MOBP: variants seen among roughly 807,000 people sequenced by gnomAD.
The protein encoded by MOBP is myelin associated oligodendrocyte basic protein, also known as myelin-associated oligodendrocyte basic protein.
A neutral mutation model predicts 15.0 loss-of-function variants in MOBP; 5 were observed. The ratio of observed to expected loss-of-function variants is 0.33; its 90% CI spans 0.17 to 0.70. The LOEUF is 0.70. Ranked by LOEUF, MOBP falls within the 30% of genes least tolerant of loss-of-function variation. The probability of loss-of-function intolerance (pLI) is 0.67; values close to 1 mark genes in which losing one functional copy is unlikely to be tolerated. For synonymous variants in MOBP, 88 were observed against 99.0 expected (o/e 0.89, Z 0.66); for missense variants, 188 against 257.8 (o/e 0.73, Z 1.85).
chr3:39,517,189 A>G (rs139190535), downstream of MOBP, among the ~76,000 whole-genome samples: 30 of 152,322 alleles, frequency 2.0e-4, no homozygotes, highest in East Asian at 5.6e-3. Flanking sequence ...TAGTAGAGGT[A>G]TACACTTGCA....
chr3:39,508,115 A>G (rs1055797831), intron 4 of MOBP, among the ~76,000 whole-genome samples: 2 of 152,216 alleles, frequency 1.3e-5, no homozygotes, highest in African/African-American at 4.8e-5. Flanking sequence ...AATTGTGTTT[A>G]TCCTATCACT....
At chr3:39,513,263 C>T in intron 4 of MOBP, 13 of 739,436 alleles carry the variant, frequency 1.8e-5, no homozygotes, top group Non-Finnish European at 2.5e-5. Context: ...AAGGATTTTG[C>T]AGAATAACCT....
At chr3:39,526,274 A>C (rs969715554), downstream of MOBP, 6 of 152,250 alleles carry the variant, frequency 3.9e-5, no homozygotes, top group African/African-American at 1.4e-4. Flanking sequence ...TCATGCAAAA[A>C]GTTAGATATT....
At chr3:39,520,576 G>GTGT (rs1559430962), downstream of MOBP, among the ~76,000 whole-genome samples, 1,858 of 93,044 alleles carry the variant, frequency 0.02, 26 homozygotes, top group African/African-American at 0.059. Context: ...GTGTGTGTAT[G>GTGT]AGAGAGAGAG....
At chr3:39,500,106 C>T (rs149682705) in intron 2 of MOBP, 30 of 455,750 alleles carry the variant, frequency 6.6e-5, no homozygotes, top group African/African-American at 5.8e-4. Context: ...CTGCTCTACC[C>T]ACTTCCTCAT....
chr3:39,520,537 A>AGTGTGTGTGT (rs5848515), downstream of MOBP, among the ~76,000 whole-genome samples: 72 of 144,660 alleles, frequency 5.0e-4, no homozygotes, highest in Middle Eastern at 3.5e-3. Context: ...TGTGTTCATG[A>AGTGTGTGTGT]GTGTGTGTGT....
At chr3:39,469,024 GTATATATATACATATATACATA>G (rs1559411919) in intron 1 of MOBP, among the ~76,000 whole-genome samples, 8 of 52,346 alleles carry the variant, frequency 1.5e-4, no homozygotes, top group African/African-American at 3.8e-4. Flanking sequence ...ACATATGTGT[GTATATATATACATATATACATA>G]TGTGTGTGTA....
chr3:39,471,982 A>G lies in MOBP; in HGVS notation c.-89+4242A>G, dbSNP rs773879731. ...TGTCTTCAAGTCCAAAGGGTTTTCT[A>G]TAACTACTATAGAGAACCTTGTGGT... On this transcript the variant is annotated intron_variant, in intron 1 of 3. Transcript: ENST00000684792. 3.0e-4 allele frequency among the ~76,000 whole-genome samples: 46 copies of G among 152,212 alleles called. 1 individual carries two copies. Among genetic ancestry groups the G allele is most frequent in the African/African-American group, 1.0e-3 (43 of 41,450 alleles).
Position 39,468,733 on chromosome 3 carries a change from T to TATGTGTGTGTATATATACATATATAC in MOBP, c.-89+1042_-89+1067dup, listed in dbSNP as rs762709973. 1.1e-3 allele frequency among the ~76,000 whole-genome samples: 127 copies of TATGTGTGTGTATATATACATATATAC among 118,384 alleles called. 3 individuals carry two copies. The highest frequency in any genetic ancestry group is 9.3e-3 in the Middle Eastern group (2 of 216). 77.7% of individuals were successfully genotyped at this position (118,384 alleles called of 152,430 possible). On this transcript the variant is annotated intron_variant, in intron 1 of 3. Coordinates refer to ENST00000684792, the MANE Select transcript of MOBP (RefSeq NM_001393704.1). ...ATGTGTGTGTATATACATATATACATATGTGTGTGTATATATACATATATA... is the reference window on the plus strand; with the variant it reads ...ATGTGTGTGTATATACATATATACATATGTGTGTGTATATATACATATATACATGTGTGTGTATATATACATATATA...
intron 4 of MOBP, among the ~76,000 whole-genome samples, chr3:39,509,646 G>C (rs1053277780): frequency 6.6e-6 from 1 of 152,066 alleles, no homozygotes; most frequent in Admixed American, 6.5e-5. Flanking sequence ...ATTTTCTCCA[G>C]GTCTGTGACT....
At chr3:39,479,211 C>T (rs1478500533) in intron 1 of MOBP, among the ~76,000 whole-genome samples, 1 of 152,076 alleles carries the variant, frequency 6.6e-6, no homozygotes, top group East Asian at 1.9e-4. Context: ...AAGAAACATG[C>T]TAGTGATCCT....
downstream of MOBP, among the ~76,000 whole-genome samples, chr3:39,506,104 G>C (rs1295825188): frequency 2.0e-5 from 3 of 151,588 alleles, no homozygotes; most frequent in Non-Finnish European, 4.4e-5. Flanking sequence ...TTGAGGTCTT[G>C]CTGTACAACT....
At chr3:39,499,894 T>G (rs1246180795) in intron 2 of MOBP, 1 of 401,416 alleles carries the variant, frequency 2.5e-6, no homozygotes, top group Non-Finnish European at 5.0e-6. Flanking sequence ...GCCCTCATCT[T>G]TGGCCAGATG....
intron 2 of MOBP, among the ~76,000 whole-genome samples, chr3:39,489,727 C>G (rs1024669712): frequency 3.2e-4 from 49 of 152,106 alleles, no homozygotes; most frequent in African/African-American, 1.0e-3. Context: ...GAGAGTGCTA[C>G]CTCTGGAGGT....
At chr3:39,521,034 C>G (rs1414351936) in intron 3 of MOBP, among the ~76,000 whole-genome samples, 1 of 152,006 alleles carries the variant, frequency 6.6e-6, no homozygotes, top group African/African-American at 2.4e-5. Flanking sequence ...GCAACAACCT[C>G]TGCCTCCCAG....
At chr3:39,490,900 G>C (rs1276827698) in intron 2 of MOBP, among the ~76,000 whole-genome samples, 1 of 152,136 alleles carries the variant, frequency 6.6e-6, no homozygotes, top group Non-Finnish European at 1.5e-5. Context: ...TGAAGGCACA[G>C]GGGGTGATGG....
downstream of MOBP, among the ~76,000 whole-genome samples, chr3:39,507,034 A>G (rs1413435796): frequency 1.3e-5 from 2 of 152,062 alleles, no homozygotes; most frequent in East Asian, 1.9e-4. Flanking sequence ...TTTTCTGCCA[A>G]TTGCTCAACC....
In MOBP at chr3:39,491,790, A is replaced by G. The variant is rs577937299; in HGVS notation, c.-4-10276A>G. Among the ~76,000 whole-genome samples the G allele has an allele frequency of 2.6e-5, 4 of 152,140 alleles. No homozygotes were observed. The East Asian group carries it at 7.7e-4, about 29-fold the overall frequency. On this transcript the variant is annotated intron_variant, in intron 2 of 3. Transcript: ENST00000684792. ...AGAATAGGAAAGAAGAGAAAAAGCA[A>G]GAGAGAGAGAGGAAGCTAAGGAGGC...
At chr3:39,486,569 C>G (rs1423187563) in intron 2 of MOBP, among the ~76,000 whole-genome samples, 1 of 152,152 alleles carries the variant, frequency 6.6e-6, no homozygotes, top group Non-Finnish European at 1.5e-5. Context: ...TGGCTCTTCA[C>G]CAACTATGTG....
Sources: allele counts gnomAD v4.1 joint callset (sites outside exome capture counted in the v4.1 genomes callset), GRCh38; gene constraint gnomAD v4.1.1; transcripts MANE v1.5; gene names NCBI Gene and HGNC (gene_info 2026-07-23, HGNC 2026-07-21).